EXOC6: variants seen among roughly 807,000 people sequenced by gnomAD.
The protein encoded by EXOC6 is exocyst complex component 6.
Under a neutral mutation model 112.5 loss-of-function variants are expected in EXOC6, and 60 were observed. The ratio of observed to expected loss-of-function variants is 0.53; its 90% CI spans 0.43 to 0.66. EXOC6 has a LOEUF of 0.66. Ranked by LOEUF, EXOC6 falls within the 30% of genes least tolerant of loss-of-function variation. The pLI is 0.00. For missense variants in EXOC6, 855 were observed against 957.1 expected, an observed-to-expected ratio of 0.89 and a Z score of 1.41; for synonymous variants, 295 against 308.0, an observed-to-expected ratio of 0.96 and a Z score of 0.44.
intron 1 of EXOC6, among the ~76,000 whole-genome samples, chr10:92,837,866 G>A (rs758905691): frequency 2.0e-5 from 3 of 152,212 alleles, no homozygotes; most frequent in Non-Finnish European, 4.4e-5. Context: ...AATTGAGGTA[G>A]AGAGAATACT....
intron 18 of EXOC6, among the ~76,000 whole-genome samples, chr10:92,981,618 TTTTGTC>T (rs1338701976): frequency 6.6e-6 from 1 of 152,224 alleles, no homozygotes; most frequent in Non-Finnish European, 1.5e-5. Flanking sequence ...CTCTTCATTG[TTTTGTC>T]TTTAAGTATA....
chr10:92,985,312 C>A (rs1031621107), intron 18 of EXOC6, among the ~76,000 whole-genome samples: 1 of 152,132 alleles, frequency 6.6e-6, no homozygotes, highest in Non-Finnish European at 1.5e-5. Flanking sequence ...CAACTCTGGA[C>A]TTCTAATGCA....
At chr10:92,890,321 C>CT (rs1849435557) in intron 1 of EXOC6, among the ~76,000 whole-genome samples, 2 of 152,086 alleles carry the variant, frequency 1.3e-5, no homozygotes, top group Admixed American at 1.3e-4. Flanking sequence ...AAAACTGATA[C>CT]TTAGAGAATT....
chr10:93,025,920 A>G (rs1472830963), intron 20 of EXOC6, among the ~76,000 whole-genome samples: 1 of 152,178 alleles, frequency 6.6e-6, no homozygotes, highest in African/African-American at 2.4e-5. Context: ...CCTCCCTTTC[A>G]AGGATAACCA....
chr10:93,005,938 T>C (rs1843956774), intron 19 of EXOC6, among the ~76,000 whole-genome samples: 1 of 152,096 alleles, frequency 6.6e-6, no homozygotes, highest in Non-Finnish European at 1.5e-5. Context: ...GACTGGAGAA[T>C]CGCTTGAGCC....
chr10:92,980,922 G>C (rs538588031), intron 18 of EXOC6, among the ~76,000 whole-genome samples: 63 of 152,284 alleles, frequency 4.1e-4, no homozygotes, highest in African/African-American at 1.4e-3. Context: ...AGCTACTCGG[G>C]AGGCTGAGGC....
At chr10:92,870,890 A>G (rs981109025) in intron 1 of EXOC6, among the ~76,000 whole-genome samples, 3 of 151,954 alleles carry the variant, frequency 2.0e-5, no homozygotes, top group African/African-American at 4.8e-5. Context: ...TTGTATTTGT[A>G]GTAGAGATGG....
intron 20 of EXOC6, among the ~76,000 whole-genome samples, chr10:93,015,919 T>C (rs1037826138): frequency 6.6e-6 from 1 of 152,212 alleles, no homozygotes; most frequent in African/African-American, 2.4e-5. Context: ...CAAGGAACAC[T>C]GTTATAGGTG....
chr10:93,056,970 AT>A lies in EXOC6; in HGVS notation c.2218del (p.Tyr740MetfsTer11). 1 of 1,600,196 alleles carries A rather than the reference AT, an allele frequency of 6.2e-7. No homozygotes were observed. Among genetic ancestry groups the A allele is most frequent in the Non-Finnish European group, 8.5e-7 (1 of 1,175,566 alleles). On this transcript the variant is annotated frameshift_variant, in exon 21 of 22. Coordinates refer to ENST00000260762, the MANE Select transcript of EXOC6 (RefSeq NM_019053.6). LOFTEE classifies it high-confidence loss of function. Reference sequence around the variant, plus strand: ...TGGGATTGGTCTACTTACCTAGCTGATTATGGGCAGCCAGCTTCTAAGTACC... The same window carrying A: ...TGGGATTGGTCTACTTACCTAGCTGATATGGGCAGCCAGCTTCTAAGTACC... ...MVWDWSTYLA[D>X]YGQPASKYLR... is the part of the protein sequence containing the mutation.
chr10:92,840,641 T>A (rs567882567), intron 1 of EXOC6, among the ~76,000 whole-genome samples: 1 of 152,162 alleles, frequency 6.6e-6, no homozygotes, highest in African/African-American at 2.4e-5. Context: ...TGACAAATAA[T>A]AATCGCATAT....
intron 20 of EXOC6, among the ~76,000 whole-genome samples, chr10:93,045,627 G>A (rs1034778148): frequency 8.5e-5 from 13 of 152,234 alleles, no homozygotes; most frequent in African/African-American, 2.6e-4. Flanking sequence ...TTATTTCTTC[G>A]TAGCTTCAGT....
chr10:92,849,792 A>G (rs1847235323), intron 1 of EXOC6, among the ~76,000 whole-genome samples: 1 of 152,136 alleles, frequency 6.6e-6, no homozygotes, highest in South Asian at 2.1e-4. Flanking sequence ...ATGGAAAAAA[A>G]TTATTTAACC....
intron 20 of EXOC6, among the ~76,000 whole-genome samples, chr10:93,031,317 A>G (rs1462291909): frequency 2.6e-5 from 4 of 152,100 alleles, no homozygotes; most frequent in Non-Finnish European, 5.9e-5. Flanking sequence ...ACCAGGGAAG[A>G]TTCTCTGCCT....
chr10:92,966,383 C>G (rs1842053712), intron 17 of EXOC6, among the ~76,000 whole-genome samples: 1 of 147,166 alleles, frequency 6.8e-6, no homozygotes, highest in Admixed American at 6.8e-5. Flanking sequence ...GTGTGCTGCA[C>G]CCATTAACTC....
intron 1 of EXOC6, among the ~76,000 whole-genome samples, chr10:92,879,570 C>A (rs1848847505): frequency 6.7e-6 from 1 of 148,418 alleles, no homozygotes; most frequent in Admixed American, 6.7e-5. Context: ...ATGAATAAAT[C>A]ATAAAAAATC....
At chr10:92,988,523 A>C (rs1490005185) in intron 18 of EXOC6, among the ~76,000 whole-genome samples, 3 of 152,168 alleles carry the variant, frequency 2.0e-5, no homozygotes, top group Non-Finnish European at 4.4e-5. Flanking sequence ...TCCATCCTAT[A>C]TACCAGTGCT....
chr10:93,042,280 T>G (rs1845816195), intron 20 of EXOC6, among the ~76,000 whole-genome samples: 1 of 152,242 alleles, frequency 6.6e-6, no homozygotes, highest in South Asian at 2.1e-4. Flanking sequence ...TTGGGTGTCA[T>G]CTAAGACAGC....
At chr10:92,941,121 T>TAG (rs1852645699) in intron 13 of EXOC6, among the ~76,000 whole-genome samples, 1 of 152,152 alleles carries the variant, frequency 6.6e-6, no homozygotes, top group Non-Finnish European at 1.5e-5. Flanking sequence ...ACCACCACTC[T>TAG]TGCTTTGTCT....
chr10:92,834,831 C>T, intron 1 of EXOC6: 2 of 1,556,270 alleles, frequency 1.3e-6, no homozygotes, highest in Non-Finnish European at 1.8e-6. Context: ...TAAGGTAGGG[C>T]ACCGTTGCAT....
Sources: gnomAD v4.1 joint callset for allele counts (sites outside exome capture counted in the v4.1 genomes callset) on GRCh38, gnomAD v4.1.1 for gene constraint, MANE v1.5 for transcripts, NCBI Gene and HGNC (gene_info 2026-07-23, HGNC 2026-07-21) for gene names.